The following NR4A3 variants were observed in gnomAD, a reference collection of about 807,000 sequenced individuals.
The protein encoded by NR4A3 is chondrosarcoma, extraskeletal myxoid, fused to EWS.
NR4A3 carries 13 observed loss-of-function variants against 55.6 expected under a neutral mutation model. That is an observed-to-expected ratio of 0.23 (90% confidence interval 0.15 to 0.37). The LOEUF is 0.37. Among genes scored for constraint, NR4A3 ranks in the 10% least tolerant of loss-of-function variants. The probability of loss-of-function intolerance (pLI) is 1.00; values close to 1 mark genes in which losing one functional copy is unlikely to be tolerated. For synonymous variants in NR4A3, 342 were observed against 357.9 expected, an observed-to-expected ratio of 0.96 and a Z score of 0.50; for missense variants, 646 against 822.8, an observed-to-expected ratio of 0.79 and a Z score of 2.63.
intron 5 of NR4A3, among the ~76,000 whole-genome samples, chr9:99,839,920 G>A (rs559157041): frequency 6.6e-6 from 1 of 152,336 alleles, no homozygotes; most frequent in Non-Finnish European, 1.5e-5. Flanking sequence ...CACAGAGCTG[G>A]GAGTCCAGTC....
Position 99,864,221 on chromosome 9 carries a change from G to A in NR4A3, c.*354G>A. 1 of 264,522 alleles carries A rather than the reference G, an allele frequency of 3.8e-6. No homozygotes were observed. Among genetic ancestry groups the A allele is most frequent in the South Asian group, 1.1e-4 (1 of 9,318 alleles). The allele number at this position is 264,522 out of a possible 1,614,324, so 16.4% of individuals were successfully genotyped here. A position where few individuals can be genotyped will look rare whatever the true frequency, so the allele number is the denominator to read the frequency against. On this transcript the variant is annotated 3_prime_UTR_variant, in exon 8 of 8. Coordinates refer to ENST00000395097, the MANE Select transcript of NR4A3 (RefSeq NM_006981.4). ...TAACTGTTTTAAAACTCTTTCTGGG[G>A]AATCCAATTATAGTTGCTTTGTATT...
intron 2 of NR4A3, among the ~76,000 whole-genome samples, chr9:99,827,669 C>G (rs1827328534): frequency 6.6e-6 from 1 of 152,204 alleles, no homozygotes; most frequent in African/African-American, 2.4e-5. Context: ...CTCTTTGTCC[C>G]CCTAGGTTAT....
At chr9:99,862,566 AAAAAAAAAAAAAAAAAAG>A (rs995736370) in intron 7 of NR4A3, among the ~76,000 whole-genome samples, 23 of 65,790 alleles carry the variant, frequency 3.5e-4, no homozygotes, top group African/African-American at 1.0e-3. Context: ...AAAAAAAAAA[AAAAAAAAAAAAAAAAAAG>A]AGAGAGAAAT....
At chr9:99,852,442 T>C (rs143900841) in intron 7 of NR4A3, among the ~76,000 whole-genome samples, 2 of 152,322 alleles carry the variant, frequency 1.3e-5, no homozygotes, top group African/African-American at 4.8e-5. Flanking sequence ...GATGATGTCT[T>C]GTGCTTTTGG....
intron 3 of NR4A3, among the ~76,000 whole-genome samples, chr9:99,831,593 A>G (rs1015167421): frequency 3.3e-5 from 5 of 152,242 alleles, no homozygotes; most frequent in African/African-American, 1.2e-4. Flanking sequence ...AATAGATCAT[A>G]AAGCCCAAGT....
chr9:99,842,662 G>A (rs1029386610), intron 5 of NR4A3, among the ~76,000 whole-genome samples: 19 of 152,052 alleles, frequency 1.2e-4, no homozygotes, highest in African/African-American at 4.6e-4. Context: ...CCCAGGAGGT[G>A]GAGGTTTCAG....
intron 7 of NR4A3, among the ~76,000 whole-genome samples, chr9:99,853,349 C>CT (rs1302199467): frequency 1.8e-5 from 2 of 108,546 alleles, no homozygotes; most frequent in Admixed American, 1.1e-4. Flanking sequence ...TTATTATACT[C>CT]TAAGTTTTAG....
rs183751055 is a variant in NR4A3 at position 99,846,168 on chromosome 9, A to G, written c.1455-1269A>G. On this transcript the variant is annotated intron_variant, in intron 6 of 7. Transcript: ENST00000395097. ...ATTTGACTTGTGAATACAACAGGCCAAGATAGATACATACGTGGCAAGAGA... is the reference window on the plus strand; with the variant it reads ...ATTTGACTTGTGAATACAACAGGCCGAGATAGATACATACGTGGCAAGAGA... Among the ~76,000 whole-genome samples, 10 of 152,356 alleles carry G rather than the reference A, an allele frequency of 6.6e-5. No individual in the cohort carries two copies. The East Asian group carries it at 1.9e-3, about 29-fold the overall frequency.
chr9:99,835,543 T>C (rs575832305), intron 5 of NR4A3, among the ~76,000 whole-genome samples: 4 of 152,340 alleles, frequency 2.6e-5, no homozygotes, highest in Admixed American at 1.3e-4. Flanking sequence ...TGAAGCTTCT[T>C]AGCACTGCCT....
Position 99,863,981 on chromosome 9 carries a change from C to A in NR4A3, c.*114C>A. 8.0e-7 allele frequency: 1 copy of A among 1,254,946 alleles called. No homozygotes were observed. The highest frequency in any genetic ancestry group is 1.1e-6 in the Non-Finnish European group (1 of 910,460). 77.7% of individuals were successfully genotyped at this position (1,254,946 alleles called of 1,614,324 possible). On this transcript the variant is annotated 3_prime_UTR_variant, in exon 8 of 8. Coordinates refer to ENST00000395097, the MANE Select transcript of NR4A3 (RefSeq NM_006981.4). ...TGTCCTTCCTTAAGAGGAAAAGCAG[C>A]TCCTGTAGAAAGCAAAGACTTTCTT...
At chr9:99,824,321 C>T (rs1827250761) in intron 1 of NR4A3, among the ~76,000 whole-genome samples, 1 of 152,228 alleles carries the variant, frequency 6.6e-6, no homozygotes, top group African/African-American at 2.4e-5. Flanking sequence ...GAGAACGACT[C>T]CGCTTGAAAG....
At chr9:99,844,441 T>C (rs1237148692) in intron 5 of NR4A3, among the ~76,000 whole-genome samples, 1 of 152,250 alleles carries the variant, frequency 6.6e-6, no homozygotes, top group Non-Finnish European at 1.5e-5. Context: ...TCCTTGTCTA[T>C]TAAGTGATAA....
chr9:99,863,660 A>G lies in NR4A3; in HGVS notation c.1674A>G (p.Leu558=). 3 of 1,614,004 alleles carry G rather than the reference A, an allele frequency of 1.9e-6. No individual in the cohort carries two copies. The South Asian group carries it at 3.3e-5, about 18-fold the overall frequency. ...AAGAACCAAAGAGAGTCGAAGAGCTATGCAACAAGATCACAAGCAGTTTAA... is the reference window on the plus strand; with the variant it reads ...AAGAACCAAAGAGAGTCGAAGAGCTGTGCAACAAGATCACAAGCAGTTTAA... ...GLKEPKRVEE[L]CNKITSSLKD... is the part of the protein sequence containing the mutation. The change falls in exon 8 of 8, where the codon CTA becomes CTG. Residue 558 remains leucine (L), a synonymous_variant. Transcript: ENST00000395097.
chr9:99,832,151 A>T (rs1827457282), intron 3 of NR4A3, among the ~76,000 whole-genome samples: 1 of 152,218 alleles, frequency 6.6e-6, no homozygotes, highest in Non-Finnish European at 1.5e-5. Context: ...AGGCTGATTA[A>T]GTTAGTTTTT....
intron 7 of NR4A3, among the ~76,000 whole-genome samples, chr9:99,849,877 C>T (rs2118130308): frequency 6.6e-6 from 1 of 152,294 alleles, no homozygotes; most frequent in Non-Finnish European, 1.5e-5. Context: ...TTGAGTGCCA[C>T]CATGGAGACA....
intron 6 of NR4A3, 94 bp downstream of exon 6, chr9:99,844,942 A>C: frequency 2.0e-6 from 2 of 988,710 alleles, no homozygotes; most frequent in Non-Finnish European, 3.1e-6. Flanking sequence ...ACGTTTTCTC[A>C]AGAAGCAAAT....
chr9:99,839,779 TA>T lies in NR4A3; in HGVS notation c.1255-4863del, dbSNP rs1302389179. Among the ~76,000 whole-genome samples the T allele has an allele frequency of 7.9e-5, 12 of 152,210 alleles. No homozygotes were observed. The East Asian group carries it at 2.1e-3, about 27-fold the overall frequency. On this transcript the variant is annotated intron_variant, in intron 5 of 7. Transcript: ENST00000395097. The stretch of plus-strand genomic sequence containing the variant: ...AGTATAAACAGGAAAAAAGTTCATT[TA>T]AAAAAATCTTTTTGCATTTGACCTA...
At chr9:99,840,553 A>C (rs2118566103) in intron 5 of NR4A3, among the ~76,000 whole-genome samples, 1 of 152,334 alleles carries the variant, frequency 6.6e-6, no homozygotes, top group South Asian at 2.1e-4. Flanking sequence ...CAATAACATC[A>C]TACCTGGTGT....
chr9:99,849,307 C>T (rs1827808677), intron 7 of NR4A3, among the ~76,000 whole-genome samples: 1 of 151,918 alleles, frequency 6.6e-6, no homozygotes, highest in Non-Finnish European at 1.5e-5. Flanking sequence ...CTTCAGTATT[C>T]CAAATGGAAA....
Sources: allele counts gnomAD v4.1 joint callset (sites outside exome capture counted in the v4.1 genomes callset), GRCh38; gene constraint gnomAD v4.1.1; transcripts MANE v1.5; gene names NCBI Gene and HGNC (gene_info 2026-07-23, HGNC 2026-07-21).